The following YIF1B variants were observed in gnomAD, a reference collection of about 807,000 sequenced individuals.
YIF1B encodes Yip1 interacting factor homolog B, membrane trafficking protein, also known as protein YIF1B.
In YIF1B, 24 loss-of-function variants were observed where a neutral mutation model predicts 34.6. That is an observed-to-expected ratio of 0.69 (90% CI 0.50 to 0.98). The LOEUF (loss-of-function observed/expected upper bound fraction) is 0.98. Among genes scored for constraint, YIF1B ranks in the 50% least tolerant of loss-of-function variants. The pLI is 0.00. For synonymous variants in YIF1B, 186 were observed against 184.8 expected, an observed-to-expected ratio of 1.01 and a Z score of -0.05; for missense variants, 368 against 429.4, an observed-to-expected ratio of 0.86 and a Z score of 1.26.
In YIF1B at chr19:38,305,390, T is replaced by G; in HGVS notation, c.907A>C (p.Met303Leu). 1 of 1,609,090 alleles carries G rather than the reference T, an allele frequency of 6.2e-7. No individual in the cohort carries two copies. The highest frequency in any genetic ancestry group is 8.5e-7 in the Non-Finnish European group (1 of 1,177,378). Reference protein sequence around the residue: ...LTMAVAAAQPMLMYWLTFHLV... With the variant: ...LTMAVAAAQPLLMYWLTFHLV... ...TGGAAGGTGAGCCAGTACATGAGCA[T>G]AGGCTGCGCCGCCGCCACCGCCATG... The change falls in exon 8 of 8, where the codon ATG becomes CTG. Residue 303 changes from methionine (M) to leucine (L), a missense_variant. Transcript: ENST00000339413.
Position 38,304,569 on chromosome 19 carries a change from C to T in YIF1B, c.*783G>A, listed in dbSNP as rs1968902022. On this transcript the variant is annotated 3_prime_UTR_variant, in exon 8 of 8. Transcript: ENST00000339413. ...GACCCCAGGGTCCTGCCTTAGGCCT[C>T]CAACTTCAGGGGGCTGGGTAAGGGG... 1 of 1,608,792 alleles carries T rather than the reference C, an allele frequency of 6.2e-7. No individual in the cohort carries two copies. The highest frequency in any genetic ancestry group is 1.3e-5 in the African/African-American group (1 of 74,902).
Position 38,309,278 on chromosome 19 carries a change from G to A in YIF1B, c.348C>T (p.Asp116=), listed in dbSNP as rs757250393. ...ITKLKYYFAV[D]TMYVGRKLGL... is the part of the protein sequence containing the mutation. ...CCAGCTTTCTGCCCACATACATGGT[G>A]TCCACAGCAAAGTAATACTTGAGCT... The change falls in exon 3 of 8, where the codon GAC becomes GAT. Residue 116 remains aspartate, a synonymous_variant. Coordinates refer to ENST00000339413, the MANE Select transcript of YIF1B (RefSeq NM_001039672.3). 2.5e-6 allele frequency: 4 copies of A among 1,614,122 alleles called. No individual in the cohort carries two copies. Among genetic ancestry groups the A allele is most frequent in the South Asian group, 2.2e-5 (2 of 91,092 alleles).
At position 38,304,886 on chromosome 19, in the gene YIF1B, C is replaced by G. The variant is rs772301397; in HGVS notation, c.*466G>C. On this transcript the variant is annotated 3_prime_UTR_variant, in exon 8 of 8. Transcript: ENST00000339413. Reference sequence around the variant, plus strand: ...CCAAGCAGCACGAGAGCATCCCGGGCAAGGCCAAGAAGCCCAAAGTGAAGA... The same window carrying G: ...CCAAGCAGCACGAGAGCATCCCGGGGAAGGCCAAGAAGCCCAAAGTGAAGA... 3 of 1,613,460 alleles carry G rather than the reference C, an allele frequency of 1.9e-6. No individual in the cohort carries two copies. The highest frequency in any genetic ancestry group is 2.5e-6 in the Non-Finnish European group (3 of 1,179,912).
intron 5 of YIF1B, among the ~76,000 whole-genome samples, chr19:38,308,258 T>C (rs1247354792): frequency 1.3e-5 from 2 of 152,108 alleles, no homozygotes; most frequent in East Asian, 3.9e-4. Flanking sequence ...TACTCGGCAG[T>C]AGTGGAGGGG....
intron 1 of YIF1B, among the ~76,000 whole-genome samples, chr19:38,310,500 C>G (rs937932284): frequency 4.6e-5 from 7 of 151,862 alleles, no homozygotes; most frequent in African/African-American, 1.7e-4. Context: ...ATCCATCCAT[C>G]TAACCATCCA....
chr19:38,319,989 G>C (rs1969628035), upstream of YIF1B: 2 of 1,475,550 alleles, frequency 1.4e-6, no homozygotes. Context: ...CCTTGGCCGC[G>C]TACGCCGCGT....
chr19:38,321,838 A>G (rs1163734373), upstream of YIF1B, among the ~76,000 whole-genome samples: 1 of 152,158 alleles, frequency 6.6e-6, no homozygotes, highest in Non-Finnish European at 1.5e-5. Flanking sequence ...CTCTTCCCAG[A>G]TCCTGGCTTC....
At chr19:38,311,454 T>C (rs1023297643) in intron 1 of YIF1B, among the ~76,000 whole-genome samples, 5 of 152,178 alleles carry the variant, frequency 3.3e-5, no homozygotes, top group African/African-American at 9.7e-5. Flanking sequence ...ACAATAATCC[T>C]GTGGATGAAC....
chr19:38,319,164 A>G (rs546612909), upstream of YIF1B, among the ~76,000 whole-genome samples: 1 of 151,836 alleles, frequency 6.6e-6, no homozygotes, highest in South Asian at 2.1e-4. Flanking sequence ...TCTCCCAGGC[A>G]TAGCTCACTG....
chr19:38,316,201 T>A (rs999325860), upstream of YIF1B, among the ~76,000 whole-genome samples: 22 of 152,160 alleles, frequency 1.4e-4, no homozygotes, highest in Non-Finnish European at 4.4e-5. Context: ...AGGCGGTGTC[T>A]GCCACGACAG....
upstream of YIF1B, among the ~76,000 whole-genome samples, chr19:38,317,676 T>A (rs557706592): frequency 1.3e-5 from 2 of 151,784 alleles, no homozygotes; most frequent in African/African-American, 4.8e-5. Flanking sequence ...GCCTCCTGGG[T>A]TCAAGTGATT....
chr19:38,312,512 G>A (rs1969364409), intron 1 of YIF1B, among the ~76,000 whole-genome samples: 1 of 152,150 alleles, frequency 6.6e-6, no homozygotes, highest in South Asian at 2.1e-4. Context: ...GGAGAAAATA[G>A]GGAGGGCGGG....
chr19:38,316,047 C>T, upstream of YIF1B: 3 of 1,277,470 alleles, frequency 2.3e-6, no homozygotes, highest in Non-Finnish European at 3.0e-6. Context: ...CCCCCCCGAC[C>T]CCTCCAGCCC....
At position 38,307,421 on chromosome 19, in the gene YIF1B, A is replaced by C. The variant is rs1264358026; in HGVS notation, c.789+7T>G. Reference sequence around the variant, plus strand: ...CCTCAGCCTCACCAGCCCCGAGCCCAGCTCACCATGAACACAAAGATGGCT... The same window carrying C: ...CCTCAGCCTCACCAGCCCCGAGCCCCGCTCACCATGAACACAAAGATGGCT... On this transcript the variant is annotated splice_region_variant and intron_variant, in intron 7 of 7. Transcript: ENST00000339413. 6.2e-7 allele frequency: 1 copy of C among 1,613,368 alleles called. No homozygotes were observed. The highest frequency in any genetic ancestry group is 8.5e-7 in the Non-Finnish European group (1 of 1,179,880).
intron 1 of YIF1B, 45 bp downstream of exon 1, chr19:38,315,815 C>T: frequency 6.6e-7 from 1 of 1,514,398 alleles, no homozygotes; most frequent in East Asian, 2.7e-5. Context: ...ACGCGGCCGC[C>T]CCGCCACGCC....
intron 1 of YIF1B, among the ~76,000 whole-genome samples, chr19:38,313,426 T>G (rs1160842542): frequency 6.6e-6 from 1 of 151,682 alleles, no homozygotes. Flanking sequence ...GCCCGGCTAA[T>G]TTTTTTGTAT....
At chr19:38,316,056 C>A (rs577409166), upstream of YIF1B, 41 of 1,256,756 alleles carry the variant, frequency 3.3e-5, no homozygotes, top group Middle Eastern at 5.9e-4. Flanking sequence ...CCCCTCCAGC[C>A]CCCCCCTTCA....
upstream of YIF1B, among the ~76,000 whole-genome samples, chr19:38,316,118 T>C (rs1969543051): frequency 6.8e-6 from 1 of 146,748 alleles, no homozygotes; most frequent in South Asian, 2.3e-4. Flanking sequence ...GAGACTGGGC[T>C]ACTGGGCTCA....
In YIF1B at chr19:38,304,985, T is replaced by C. The variant is rs779340118; in HGVS notation, c.*367A>G. On this transcript the variant is annotated 3_prime_UTR_variant, in exon 8 of 8. Transcript: ENST00000339413. ...ACTGAAGGGCCCTGGACAGGGCTCA[T>C]TAAACCTTCCTCTCTGCCTTCTGCG... 8.2e-6 allele frequency: 13 copies of C among 1,580,538 alleles called. No individual in the cohort carries two copies. Among genetic ancestry groups the C allele is most frequent in the Non-Finnish European group, 1.1e-5 (13 of 1,163,918 alleles).
Sources: allele counts gnomAD v4.1 joint callset (sites outside exome capture counted in the v4.1 genomes callset), GRCh38; gene constraint gnomAD v4.1.1; transcripts MANE v1.5; gene names NCBI Gene and HGNC (gene_info 2026-07-23, HGNC 2026-07-21).